Variants in SPTLC2 observed in about 807,000 individuals in gnomAD.
SPTLC2 encodes the protein serine palmitoyltransferase 2.
A neutral mutation model predicts 62.0 loss-of-function variants in SPTLC2; 21 were observed. The ratio of observed to expected loss-of-function variants is 0.34; its 90% CI spans 0.24 to 0.49. The LOEUF (loss-of-function observed/expected upper bound fraction) is 0.49, where lower values mean the gene tolerates loss of function less well. SPTLC2 is among the 20% of genes least tolerant of loss of function. The probability of loss-of-function intolerance (pLI) is 0.99; values close to 1 mark genes in which losing one functional copy is unlikely to be tolerated. For synonymous variants in SPTLC2, 261 were observed against 261.8 expected, an observed-to-expected ratio of 1.00 and a Z score of 0.03; for missense variants, 511 against 713.0, an observed-to-expected ratio of 0.72 and a Z score of 3.23.
chr14:77,554,454 C>T (rs2079572116), intron 8 of SPTLC2, among the ~76,000 whole-genome samples: 3 of 152,186 alleles, frequency 2.0e-5, no homozygotes, highest in African/African-American at 4.8e-5. Flanking sequence ...TACTAATCTA[C>T]TTTCTGTTTC....
intron 9 of SPTLC2, among the ~76,000 whole-genome samples, chr14:77,524,196 T>G (rs1182332163): frequency 6.6e-6 from 1 of 152,214 alleles, no homozygotes; most frequent in Non-Finnish European, 1.5e-5. Flanking sequence ...TGAATTCGTT[T>G]GTATGAAACT....
intron 9 of SPTLC2, chr14:77,535,505 G>A (rs2079465106): frequency 6.4e-6 from 1 of 155,374 alleles, no homozygotes; most frequent in Non-Finnish European, 1.4e-5. Context: ...GACACCACAG[G>A]AGGGAAGATG....
At chr14:77,557,273 G>T (rs748219817) in intron 6 of SPTLC2, 127 bp from the exon 7 acceptor site, 71 of 859,016 alleles carry the variant, frequency 8.3e-5, no homozygotes, top group Non-Finnish European at 1.2e-4. Context: ...ATTAGAGTTG[G>T]GCAGAAAAAA....
At chr14:77,555,042 T>C (rs1444656012) in intron 8 of SPTLC2, 1 of 484,562 alleles carries the variant, frequency 2.1e-6, no homozygotes, top group Non-Finnish European at 3.8e-6. Context: ...TGTGTGTTCT[T>C]TCACACAAGA....
intron 1 of SPTLC2, among the ~76,000 whole-genome samples, chr14:77,604,764 G>A (rs1160832634): frequency 3.3e-5 from 5 of 151,558 alleles, no homozygotes; most frequent in African/African-American, 1.2e-4. Flanking sequence ...CTACTCGGGA[G>A]GCTGAGGCAG....
chr14:77,584,634 A>G (rs922103335), intron 2 of SPTLC2, among the ~76,000 whole-genome samples: 1 of 152,078 alleles, frequency 6.6e-6, no homozygotes, highest in Non-Finnish European at 1.5e-5. Flanking sequence ...CCCAACCCCA[A>G]TGCCACACTG....
intron 2 of SPTLC2, among the ~76,000 whole-genome samples, chr14:77,588,681 G>A (rs2079796756): frequency 6.7e-6 from 1 of 149,542 alleles, no homozygotes; most frequent in African/African-American, 2.4e-5. Flanking sequence ...GGGCAACAGA[G>A]CAAGATCCTG....
At chr14:77,545,202 T>TA (rs953926569) in intron 9 of SPTLC2, among the ~76,000 whole-genome samples, 33 of 149,652 alleles carry the variant, frequency 2.2e-4, no homozygotes, top group Middle Eastern at 3.2e-3. Flanking sequence ...AGGTGACAAT[T>TA]AAAAAAAAAT....
At chr14:77,576,514 A>AAAC (rs1228735753) in intron 4 of SPTLC2, among the ~76,000 whole-genome samples, 2 of 152,246 alleles carry the variant, frequency 1.3e-5, no homozygotes, top group Admixed American at 1.3e-4. Context: ...GTTATAAATG[A>AAAC]AACAAACACT....
intron 2 of SPTLC2, among the ~76,000 whole-genome samples, chr14:77,587,288 T>C (rs2079787144): frequency 6.6e-6 from 1 of 152,078 alleles, no homozygotes; most frequent in South Asian, 2.1e-4. Flanking sequence ...ACAATAACTT[T>C]GGAAAACAAT....
chr14:77,577,913 G>C (rs923739069), intron 3 of SPTLC2, among the ~76,000 whole-genome samples: 1 of 151,206 alleles, frequency 6.6e-6, no homozygotes, highest in Non-Finnish European at 1.5e-5. Context: ...GGGAGGCCAA[G>C]GTGGGCAGAT....
intron 9 of SPTLC2, chr14:77,535,716 TAC>T: frequency 3.3e-6 from 1 of 304,934 alleles, no homozygotes; most frequent in South Asian, 2.7e-5. Context: ...GAACTCTCTG[TAC>T]GGATATCTAC....
intron 1 of SPTLC2, among the ~76,000 whole-genome samples, chr14:77,613,955 C>T (rs972761737): frequency 1.3e-5 from 2 of 152,198 alleles, no homozygotes; most frequent in South Asian, 2.1e-4. Context: ...CAATATTCCT[C>T]CATCTGAGAG....
At chr14:77,539,299 G>A (rs2079486667) in intron 9 of SPTLC2, among the ~76,000 whole-genome samples, 1 of 151,770 alleles carries the variant, frequency 6.6e-6, no homozygotes, top group African/African-American at 2.4e-5. Context: ...AGGAAAAAGA[G>A]AAAAGGCAAG....
intron 6 of SPTLC2, among the ~76,000 whole-genome samples, chr14:77,558,691 T>G (rs2079598817): frequency 6.6e-6 from 1 of 151,122 alleles, no homozygotes; most frequent in Non-Finnish European, 1.5e-5. Context: ...GCGTGATCTC[T>G]GCTCACTGAA....
Position 77,509,720 on chromosome 14 carries a change from C to T in SPTLC2, c.*2564G>A, listed in dbSNP as rs1223232245. ...AGGATATGACTGGACCCTAGATTTA[C>T]ATTACAGTTTCAAGAAGAGACAACC... On this transcript the variant is annotated 3_prime_UTR_variant, in exon 12 of 12. Coordinates refer to ENST00000216484, the MANE Select transcript of SPTLC2 (RefSeq NM_004863.4). The T allele has an allele frequency of 2.5e-6, 1 of 395,188 alleles. No homozygotes were observed. Among genetic ancestry groups the T allele is most frequent in the Admixed American group, 4.4e-5 (1 of 22,652 alleles). 24.5% of individuals were successfully genotyped at this position (395,188 alleles called of 1,614,324 possible).
intron 11 of SPTLC2, among the ~76,000 whole-genome samples, chr14:77,513,788 G>A (rs1448990497): frequency 2.0e-5 from 3 of 151,872 alleles, no homozygotes; most frequent in Non-Finnish European, 4.4e-5. Context: ...CCAGCTACTC[G>A]GGAGGCTGAG....
chr14:77,534,741 A>C (rs1170206681), intron 9 of SPTLC2, among the ~76,000 whole-genome samples: 7 of 152,212 alleles, frequency 4.6e-5, no homozygotes, highest in African/African-American at 1.4e-4. Flanking sequence ...GATGTCATTA[A>C]AAAAACATAT....
Position 77,567,883 on chromosome 14 carries a change from G to C in SPTLC2, c.756+2501C>G, listed in dbSNP as rs549254466. On this transcript the variant is annotated intron_variant, in intron 5 of 11. Coordinates refer to ENST00000216484, the MANE Select transcript of SPTLC2 (RefSeq NM_004863.4). ...GCTGCTTTACTTTTTTTCTAATACA[G>C]GTTGAATATTCCTTATTCAAAATGC... Among the ~76,000 whole-genome samples, 12 of 148,978 alleles carry C rather than the reference G, an allele frequency of 8.1e-5. No homozygotes were observed. The East Asian group carries it at 2.2e-3, about 27-fold the overall frequency.
Sources: allele counts gnomAD v4.1 joint callset (sites outside exome capture counted in the v4.1 genomes callset), GRCh38; gene constraint gnomAD v4.1.1; transcripts MANE v1.5; gene names NCBI Gene and HGNC (gene_info 2026-07-23, HGNC 2026-07-21).